BCAS3: variants seen among roughly 807,000 people sequenced by gnomAD.
BCAS3 encodes the protein BCAS3 microtubule associated cell migration factor.
A neutral mutation model predicts 116.1 loss-of-function variants in BCAS3; 53 were observed. The ratio of observed to expected loss-of-function variants is 0.46; its 90% CI spans 0.37 to 0.57. The LOEUF is 0.57. Among genes scored for constraint, BCAS3 ranks in the 20% least tolerant of loss-of-function variants. The probability of loss-of-function intolerance (pLI) is 0.00; values close to 1 mark genes in which losing one functional copy is unlikely to be tolerated. For missense variants in BCAS3, 917 were observed against 1,165.4 expected (o/e 0.79, Z 3.10); for synonymous variants, 391 against 408.2 (o/e 0.96, Z 0.51).
At chr17:61,230,367 G>A (rs2082604720) in intron 22 of BCAS3, among the ~76,000 whole-genome samples, 1 of 151,934 alleles carries the variant, frequency 6.6e-6, no homozygotes, top group Non-Finnish European at 1.5e-5. Context: ...AGATACGGGG[G>A]CACATGTGCA....
rs1170817369 is a variant in BCAS3 at position 61,118,084 on chromosome 17, A to T, written c.2425+33520A>T. On this transcript the variant is annotated intron_variant, in intron 22 of 23. Transcript: ENST00000407086. This position sits in a 1 kb window ranked among gnomAD's most constrained non-coding sequence, Gnocchi z 5.0. ...GCTGGAAGTATGTTGAATCATTTTCAGTTGAAAGCTGGGCATTTCCCTATG... is the reference window on the plus strand; with the variant it reads ...GCTGGAAGTATGTTGAATCATTTTCTGTTGAAAGCTGGGCATTTCCCTATG... 6.6e-6 allele frequency among the ~76,000 whole-genome samples: 1 copy of T among 152,098 alleles called. No homozygotes were observed. The highest frequency in any genetic ancestry group is 1.5e-5 in the Non-Finnish European group (1 of 68,026).
chr17:61,240,345 A>G (rs977060243), intron 22 of BCAS3, among the ~76,000 whole-genome samples: 23 of 152,194 alleles, frequency 1.5e-4, no homozygotes, highest in African/African-American at 4.6e-4. Flanking sequence ...TCACTATACC[A>G]TGATATTAAA....
chr17:60,742,034 A>G (rs1020310473), intron 5 of BCAS3, among the ~76,000 whole-genome samples: 2 of 152,164 alleles, frequency 1.3e-5, no homozygotes, highest in East Asian at 1.9e-4. Context: ...GGATGTTATT[A>G]TAGCTGGTTC....
chr17:61,069,074 C>G (rs1443330595), intron 19 of BCAS3, among the ~76,000 whole-genome samples: 1 of 151,794 alleles, frequency 6.6e-6, no homozygotes, highest in Non-Finnish European at 1.5e-5. Context: ...GCCAAAGACA[C>G]AAATAATGGT....
chr17:61,209,041 A>G (rs1601917984), intron 22 of BCAS3, among the ~76,000 whole-genome samples: 1 of 152,172 alleles, frequency 6.6e-6, no homozygotes, highest in Non-Finnish European at 1.5e-5. Flanking sequence ...TTAGCAAACA[A>G]CCAGCTGTTC....
chr17:61,332,704 C>A lies in BCAS3; in HGVS notation c.2426-35623C>A, dbSNP rs2056389620. Among the ~76,000 whole-genome samples, 1 of 152,298 alleles carries A rather than the reference C, an allele frequency of 6.6e-6. No homozygotes were observed. The highest frequency in any genetic ancestry group is 2.1e-4 in the South Asian group (1 of 4,814). ...GATCTCGGCTCATAGCAGCCTCCAC[C>A]TCCCAGGTTCAAGCCATTCTCCTGC... On this transcript the variant is annotated intron_variant, in intron 22 of 23. Coordinates refer to ENST00000407086, the MANE Select transcript of BCAS3 (RefSeq NM_017679.5). The surrounding 1 kb of genome is among the most constrained non-coding windows in gnomAD (Gnocchi z 5.4).
intron 22 of BCAS3, among the ~76,000 whole-genome samples, chr17:61,358,961 G>A (rs2058302276): frequency 6.6e-6 from 1 of 152,146 alleles, no homozygotes; most frequent in Admixed American, 6.5e-5. Context: ...ACCCTCAGAT[G>A]TGGGGAGATC....
rs1413223958 is a variant in BCAS3 at position 61,051,235 on chromosome 17, T to C, written c.2029+10343T>C. Among the ~76,000 whole-genome samples, 1 of 152,018 alleles carries C rather than the reference T, an allele frequency of 6.6e-6. No homozygotes were observed. The highest frequency in any genetic ancestry group is 1.5e-5 in the Non-Finnish European group (1 of 67,964). ...CTGCATGATTTCATTTATATAACATTCTCAAAATGACAAAATTATAGAGAT... is the reference window on the plus strand; with the variant it reads ...CTGCATGATTTCATTTATATAACATCCTCAAAATGACAAAATTATAGAGAT... On this transcript the variant is annotated intron_variant, in intron 19 of 23. Transcript: ENST00000407086. This position sits in a 1 kb window ranked among gnomAD's most constrained non-coding sequence, Gnocchi z 4.1.
chr17:60,687,635 C>CTT (rs958485701), intron 3 of BCAS3, among the ~76,000 whole-genome samples: 1 of 147,616 alleles, frequency 6.8e-6, no homozygotes, highest in Non-Finnish European at 1.5e-5. Flanking sequence ...CCAAAAACAA[C>CTT]TTTTTTTTTT....
chr17:60,845,044 A>G (rs554495316), intron 7 of BCAS3, among the ~76,000 whole-genome samples: 1 of 152,296 alleles, frequency 6.6e-6, no homozygotes, highest in South Asian at 2.1e-4. Flanking sequence ...AGACTGACCA[A>G]CATGTTGAAA....
intron 8 of BCAS3, among the ~76,000 whole-genome samples, chr17:60,871,889 TC>T (rs1188256353): frequency 6.6e-6 from 1 of 152,060 alleles, no homozygotes; most frequent in Non-Finnish European, 1.5e-5. Flanking sequence ...GGAAGGTATT[TC>T]TTTTTTTGGA....
At chr17:60,894,542 A>G (rs1333831695) in intron 10 of BCAS3, among the ~76,000 whole-genome samples, 1 of 152,134 alleles carries the variant, frequency 6.6e-6, no homozygotes, top group Non-Finnish European at 1.5e-5. Flanking sequence ...TACTTTTCCA[A>G]TTTGGATGCC....
intron 6 of BCAS3, among the ~76,000 whole-genome samples, chr17:60,757,867 A>G (rs750279674): frequency 6.6e-6 from 1 of 152,060 alleles, no homozygotes; most frequent in East Asian, 1.9e-4. Flanking sequence ...TTCCATATAT[A>G]TATATTTAGT....
At chr17:60,922,282 A>G (rs2059144076) in intron 12 of BCAS3, among the ~76,000 whole-genome samples, 1 of 152,042 alleles carries the variant, frequency 6.6e-6, no homozygotes, top group African/African-American at 2.4e-5. Flanking sequence ...ACGCGCCACC[A>G]TGTCCGGCTA....
In BCAS3 at chr17:61,021,552, G is replaced by A. The variant is rs1380328118; in HGVS notation, c.1637+5651G>A. On this transcript the variant is annotated intron_variant, in intron 16 of 23. Transcript: ENST00000407086. This position sits in a 1 kb window ranked among gnomAD's most constrained non-coding sequence, Gnocchi z 4.6. ...AAATTTCTTCACCTGAAAAAAAAAA[G>A]TTTATATATATGGATTATAATCTTT... Among the ~76,000 whole-genome samples, 1 of 151,884 alleles carries A rather than the reference G, an allele frequency of 6.6e-6. No homozygotes were observed. Among genetic ancestry groups the A allele is most frequent in the African/African-American group, 2.4e-5 (1 of 41,268 alleles).
intron 5 of BCAS3, among the ~76,000 whole-genome samples, chr17:60,734,393 G>A (rs2040762768): frequency 1.3e-5 from 2 of 152,316 alleles, no homozygotes; most frequent in South Asian, 4.1e-4. Flanking sequence ...GCCTCCCAAA[G>A]TGCTGGGATT....
At chr17:60,941,476 C>T (rs983298731) in intron 13 of BCAS3, among the ~76,000 whole-genome samples, 1 of 152,152 alleles carries the variant, frequency 6.6e-6, no homozygotes, top group Admixed American at 6.5e-5. Flanking sequence ...AGAGGAAATT[C>T]TAAATGAAAA....
Position 61,128,256 on chromosome 17 carries a change from C to T in BCAS3, c.2425+43692C>T, listed in dbSNP as rs1441739597. On this transcript the variant is annotated intron_variant, in intron 22 of 23. Coordinates refer to ENST00000407086, the MANE Select transcript of BCAS3 (RefSeq NM_017679.5). The surrounding 1 kb of genome is among the most constrained non-coding windows in gnomAD (Gnocchi z 4.1). The stretch of plus-strand genomic sequence containing the variant: ...CCCATGCAATGAGGACAGCCTAGGC[C>T]GTGTTAGGCTTTGACTTAAATCAGA... 11 of 985,136 alleles carry T rather than the reference C, an allele frequency of 1.1e-5. No homozygotes were observed. The South Asian group carries it at 2.3e-4, about 21-fold the overall frequency. The allele number at this position is 985,136 out of a possible 1,614,324, so 61.0% of individuals were successfully genotyped here. A position where few individuals can be genotyped will look rare whatever the true frequency, so the allele number is the denominator to read the frequency against.
chr17:61,252,509 C>T (rs1396421224), intron 22 of BCAS3, among the ~76,000 whole-genome samples: 1 of 151,774 alleles, frequency 6.6e-6, no homozygotes, highest in Non-Finnish European at 1.5e-5. Flanking sequence ...ACCCAGGGCT[C>T]CAGAGGGGCC....
Sources: gnomAD v4.1 joint callset for allele counts (sites outside exome capture counted in the v4.1 genomes callset) on GRCh38, gnomAD v4.1.1 for gene constraint, Gnocchi (gnomAD v3.1) non-coding constraint, MANE v1.5 for transcripts, NCBI Gene and HGNC (gene_info 2026-07-23, HGNC 2026-07-21) for gene names.